GABRG3: variants seen among roughly 807,000 people sequenced by gnomAD.
GABRG3 encodes gamma-aminobutyric acid receptor subunit gamma-3.
GABRG3 carries 25 observed loss-of-function variants against 48.8 expected under a neutral mutation model. The ratio of observed to expected loss-of-function variants is 0.51; its 90% CI spans 0.37 to 0.72. GABRG3 has a LOEUF of 0.72. Among genes scored for constraint, GABRG3 ranks in the 30% least tolerant of loss-of-function variants. The pLI, the probability that GABRG3 is intolerant of heterozygous loss-of-function variation, is 0.00. For synonymous variants in GABRG3, 227 were observed against 217.6 expected (o/e 1.04, Z -0.38); for missense variants, 394 against 577.9 (o/e 0.68, Z 3.26).
intron 2 of GABRG3, among the ~76,000 whole-genome samples, chr15:26,982,538 A>C (rs1895074686): frequency 6.6e-6 from 1 of 152,180 alleles, no homozygotes; most frequent in African/African-American, 2.4e-5. Context: ...ACACCCCAAC[A>C]ATGCAGCGCT....
At chr15:27,024,981 C>T (rs72715933) in intron 2 of GABRG3, among the ~76,000 whole-genome samples, 22,988 of 147,034 alleles carry the variant, frequency 0.16, 1,928 homozygotes, top group South Asian at 0.19. Flanking sequence ...GCTGAGATTG[C>T]GCCATTGCAC....
intron 3 of GABRG3, among the ~76,000 whole-genome samples, chr15:27,151,848 G>T (rs1339528841): frequency 6.6e-6 from 1 of 152,162 alleles, no homozygotes; most frequent in Non-Finnish European, 1.5e-5. Context: ...CTTGGTTGAA[G>T]CCCCTTTTGG....
At chr15:27,500,852 A>T (rs1406564200) in intron 6 of GABRG3, among the ~76,000 whole-genome samples, 1 of 151,494 alleles carries the variant, frequency 6.6e-6, no homozygotes, top group Admixed American at 6.6e-5. Context: ...AAAAAAAAAA[A>T]ATTAATCCAG....
intron 3 of GABRG3, among the ~76,000 whole-genome samples, chr15:27,262,511 T>C (rs1437283962): frequency 6.6e-6 from 1 of 152,202 alleles, no homozygotes; most frequent in Non-Finnish European, 1.5e-5. Context: ...ACCTTTCTCA[T>C]TGCCGCCCCT....
chr15:27,308,205 T>C (rs1250439920), intron 3 of GABRG3, among the ~76,000 whole-genome samples: 27 of 55,574 alleles, frequency 4.9e-4, no homozygotes, highest in Middle Eastern at 0.019. Context: ...CATGTTTATA[T>C]ATCCAAACAT....
intron 3 of GABRG3, among the ~76,000 whole-genome samples, chr15:27,160,354 C>T (rs888161632): frequency 2.6e-5 from 4 of 152,072 alleles, no homozygotes; most frequent in Non-Finnish European, 2.9e-5. Flanking sequence ...AGGTCTTCCC[C>T]CTTTTATTCT....
Position 26,977,057 on chromosome 15 carries a change from G to C in GABRG3, c.109G>C (p.Val37Leu). Residue 37 changes from valine to leucine, a missense_variant, in exon 2 of 10, where the codon GTC (valine) becomes CTC (leucine). By Grantham distance (32) the Val-to-Leu change is conservative. Transcript: ENST00000615808. ...YEDSSSNQKW[V>L]LAPKSQDTDV... ...AGATTCATCATCAAACCAAAAGTGG[G>C]TCTTGGCTCCAAAATCCCAAGACAC... is the stretch of plus-strand genomic sequence containing the variant. The C allele has an allele frequency of 6.2e-7, 1 of 1,613,920 alleles. No homozygotes were observed. The highest frequency in any genetic ancestry group is 8.5e-7 in the Non-Finnish European group (1 of 1,179,866).
intron 5 of GABRG3, among the ~76,000 whole-genome samples, chr15:27,376,201 A>G (rs1566812576): frequency 6.6e-6 from 1 of 152,228 alleles, no homozygotes; most frequent in Admixed American, 6.5e-5. Flanking sequence ...ACACTCATGC[A>G]AGAGGTAGAC....
intron 2 of GABRG3, among the ~76,000 whole-genome samples, chr15:27,015,541 C>T (rs1895763254): frequency 6.6e-6 from 1 of 151,860 alleles, no homozygotes; most frequent in African/African-American, 2.4e-5. Flanking sequence ...CCCACCACCA[C>T]ACCTGGCTAA....
chr15:27,276,343 T>C (rs140754522), intron 3 of GABRG3, among the ~76,000 whole-genome samples: 38 of 152,322 alleles, frequency 2.5e-4, no homozygotes, highest in Non-Finnish European at 4.0e-4. Flanking sequence ...ATCCCGAATA[T>C]GCTGTGCCAA....
intron 5 of GABRG3, among the ~76,000 whole-genome samples, chr15:27,399,810 A>G (rs1440188222): frequency 6.6e-6 from 1 of 152,228 alleles, no homozygotes; most frequent in Admixed American, 6.5e-5. Context: ...CAGTAGACCC[A>G]GATCTTCACA....
At chr15:27,232,531 A>G (rs1483158774) in intron 3 of GABRG3, among the ~76,000 whole-genome samples, 1 of 152,170 alleles carries the variant, frequency 6.6e-6, no homozygotes, top group Non-Finnish European at 1.5e-5. Context: ...GGACCAAGGA[A>G]GAGACCCGGG....
intron 3 of GABRG3, among the ~76,000 whole-genome samples, chr15:27,105,688 CTG>C (rs1048690085): frequency 2.0e-4 from 31 of 152,224 alleles, no homozygotes; most frequent in African/African-American, 7.2e-4. Flanking sequence ...AACTTGAACA[CTG>C]TTGGTGAAGT....
chr15:27,277,852 A>G (rs1332474506), intron 3 of GABRG3, among the ~76,000 whole-genome samples: 10 of 152,160 alleles, frequency 6.6e-5, no homozygotes, highest in Non-Finnish European at 1.2e-4. Context: ...TTATATTATT[A>G]TAGTTTAAGA....
intron 6 of GABRG3, among the ~76,000 whole-genome samples, chr15:27,499,815 G>A (rs956025779): frequency 3.9e-5 from 6 of 152,226 alleles, no homozygotes; most frequent in Admixed American, 6.5e-5. Context: ...ATAAGCAGAT[G>A]TGGATGGGGA....
intron 3 of GABRG3, among the ~76,000 whole-genome samples, chr15:27,226,673 C>G (rs1204900021): frequency 6.6e-6 from 1 of 152,384 alleles, no homozygotes; most frequent in Admixed American, 6.5e-5. Context: ...CTGCCATTTT[C>G]AGCCAGTGCA....
intron 5 of GABRG3, among the ~76,000 whole-genome samples, chr15:27,333,187 A>G (rs923293950): frequency 5.3e-5 from 8 of 152,200 alleles, no homozygotes; most frequent in Non-Finnish European, 1.2e-4. Flanking sequence ...TCAATTGCAA[A>G]CAGCATTGGT....
rs953639848 is a variant in GABRG3, at chr15:26,974,938, A to G, written c.54-2064A>G. The stretch of plus-strand genomic sequence containing the variant: ...GCCCAGGCTGGAGTGCAGTGACACT[A>G]TCTCGGCTCACTGCAACCTCTGCCT... On this transcript the variant is annotated intron_variant, in intron 1 of 9. Transcript: ENST00000615808. The surrounding 1 kb of genome is among the most constrained non-coding windows in gnomAD (Gnocchi z 4.3). Among the ~76,000 whole-genome samples the G allele has an allele frequency of 6.0e-5, 9 of 150,828 alleles. No homozygotes were observed. The highest frequency in any genetic ancestry group is 1.7e-4 in the African/African-American group (7 of 41,124).
intron 3 of GABRG3, among the ~76,000 whole-genome samples, chr15:27,139,344 G>C (rs1476177633): frequency 6.6e-6 from 1 of 152,164 alleles, no homozygotes; most frequent in Non-Finnish European, 1.5e-5. Flanking sequence ...TCAGCTGTAA[G>C]AAAAGGAGCT....
Sources: gnomAD v4.1 joint callset for allele counts (sites outside exome capture counted in the v4.1 genomes callset) on GRCh38, gnomAD v4.1.1 for gene constraint, Gnocchi (gnomAD v3.1) non-coding constraint, MANE v1.5 for transcripts, NCBI Gene and HGNC (gene_info 2026-07-23, HGNC 2026-07-21) for gene names.